NGEF: variants seen among roughly 807,000 people sequenced by gnomAD.
NGEF encodes ephexin-1.
In NGEF, 31 loss-of-function variants were observed where a neutral mutation model predicts 80.9. The observed-to-expected ratio is 0.38, with a 90% CI of 0.29 to 0.52. NGEF has a LOEUF of 0.52. Among genes scored for constraint, NGEF ranks in the 20% least tolerant of loss-of-function variants. The pLI, the probability that NGEF is intolerant of heterozygous loss-of-function variation, is 0.84. For missense variants in NGEF, 709 were observed against 926.2 expected, an observed-to-expected ratio of 0.77 and a Z score of 3.04; for synonymous variants, 371 against 370.2, an observed-to-expected ratio of 1.00 and a Z score of -0.03.
intron 5 of NGEF, among the ~76,000 whole-genome samples, chr2:232,908,033 C>G (rs1692608871): frequency 1.3e-5 from 2 of 152,090 alleles, no homozygotes; most frequent in South Asian, 4.1e-4. Flanking sequence ...TTGCTCGAAC[C>G]CAGGAGGTGG....
intron 1 of NGEF, among the ~76,000 whole-genome samples, chr2:233,002,957 C>A (rs978991965): frequency 2.0e-5 from 3 of 152,202 alleles, no homozygotes; most frequent in Non-Finnish European, 4.4e-5. Context: ...CCTTCTTACA[C>A]TGACCTCAGC....
At chr2:232,992,725 A>G (rs940846659) in intron 1 of NGEF, among the ~76,000 whole-genome samples, 3 of 151,798 alleles carry the variant, frequency 2.0e-5, no homozygotes, top group African/African-American at 7.3e-5. Flanking sequence ...AGTGGCTCAC[A>G]TCTGTAATCC....
chr2:232,883,855 C>T (rs2106214273), intron 11 of NGEF, 126 bp downstream of exon 11: 2 of 1,051,034 alleles, frequency 1.9e-6, no homozygotes, highest in East Asian at 2.7e-5. Context: ...CAGAACAGAC[C>T]TTTAAACCTG....
At chr2:232,907,284 A>G (rs1360195458) in intron 5 of NGEF, among the ~76,000 whole-genome samples, 2 of 151,584 alleles carry the variant, frequency 1.3e-5, no homozygotes, top group Admixed American at 1.3e-4. Flanking sequence ...GGCCATCATT[A>G]TAGGGTGTTT....
chr2:232,953,441 C>T (rs891401813), intron 3 of NGEF, among the ~76,000 whole-genome samples: 3 of 148,180 alleles, frequency 2.0e-5, no homozygotes, highest in Admixed American at 6.7e-5. Context: ...GCTACTCCTA[C>T]ACAACCAACA....
rs1182555049 is a variant in NGEF, at chr2:232,886,625, A to ATT, written c.1348-1257_1348-1256insAA. Among the ~76,000 whole-genome samples the ATT allele has an allele frequency of 6.3e-3, 922 of 147,286 alleles. 13 individuals are homozygous for ATT. Among genetic ancestry groups the ATT allele is most frequent in the African/African-American group, 0.021 (828 of 39,878 alleles). On this transcript the variant is annotated intron_variant, in intron 9 of 14. Transcript: ENST00000264051. ...AGAAAAAATAAACCTTCATTTTTAA[A>ATT]AAAAAAAGCTATTAGAAACAGAGAA... is the stretch of plus-strand genomic sequence containing the variant.
intron 5 of NGEF, among the ~76,000 whole-genome samples, chr2:232,898,347 A>T (rs1010743393): frequency 9.8e-5 from 15 of 152,300 alleles, no homozygotes; most frequent in African/African-American, 3.4e-4. Context: ...TCTGGCCGAC[A>T]GCATCTCTGT....
intron 1 of NGEF, among the ~76,000 whole-genome samples, chr2:233,004,410 C>T (rs762953403): frequency 1.3e-5 from 2 of 152,194 alleles, no homozygotes; most frequent in African/African-American, 4.8e-5. Context: ...ATCCCCTGGT[C>T]GCAGCAGCAG....
chr2:232,888,651 G>A (rs1691784371), intron 8 of NGEF, among the ~76,000 whole-genome samples: 1 of 152,096 alleles, frequency 6.6e-6, no homozygotes, highest in South Asian at 2.1e-4. Flanking sequence ...ACCCAGCAGT[G>A]AGGACTGTCA....
chr2:233,000,478 G>A (rs1038429460), intron 1 of NGEF, among the ~76,000 whole-genome samples: 2 of 152,184 alleles, frequency 1.3e-5, no homozygotes, highest in African/African-American at 4.8e-5. Context: ...GCCGCCAGGC[G>A]AGGTGGCTCA....
intron 1 of NGEF, among the ~76,000 whole-genome samples, chr2:233,011,238 CTG>C (rs1215178349): frequency 6.6e-6 from 1 of 151,908 alleles, no homozygotes; most frequent in Non-Finnish European, 1.5e-5. Flanking sequence ...CACACATACA[CTG>C]TGCACAGCAA....
At chr2:232,921,738 C>T (rs1304058797) in intron 4 of NGEF, among the ~76,000 whole-genome samples, 1 of 152,014 alleles carries the variant, frequency 6.6e-6, no homozygotes, top group African/African-American at 2.4e-5. Context: ...CTTCAGCCTC[C>T]CCAGTGCTGG....
At chr2:232,880,681 A>C (rs982441776) in intron 14 of NGEF, among the ~76,000 whole-genome samples, 12 of 152,048 alleles carry the variant, frequency 7.9e-5, no homozygotes, top group African/African-American at 2.4e-4. Context: ...TGATGACAGC[A>C]GCAGGGGTGG....
chr2:232,994,953 A>G (rs1351904507), intron 1 of NGEF, among the ~76,000 whole-genome samples: 3 of 109,306 alleles, frequency 2.7e-5, no homozygotes, highest in Non-Finnish European at 6.1e-5. Context: ...CATATAATAC[A>G]TACATATGTA....
intron 3 of NGEF, among the ~76,000 whole-genome samples, chr2:232,949,159 G>T (rs1480614481): frequency 6.6e-6 from 1 of 152,220 alleles, no homozygotes; most frequent in Non-Finnish European, 1.5e-5. Flanking sequence ...CCCAGCCTGG[G>T]AGCTCTGCGG....
intron 3 of NGEF, among the ~76,000 whole-genome samples, chr2:232,949,369 G>T (rs1398883238): frequency 6.6e-6 from 1 of 152,134 alleles, no homozygotes; most frequent in Admixed American, 6.5e-5. Context: ...ATCTTCTCAG[G>T]ATAGACTCTG....
At chr2:232,893,332 C>T (rs1691942893) in intron 6 of NGEF, among the ~76,000 whole-genome samples, 1 of 152,168 alleles carries the variant, frequency 6.6e-6, no homozygotes, top group Non-Finnish European at 1.5e-5. Context: ...AATAGATGAC[C>T]ATGGGGATCT....
intron 3 of NGEF, among the ~76,000 whole-genome samples, chr2:232,930,307 C>T (rs1229298636): frequency 1.4e-5 from 2 of 141,634 alleles, no homozygotes; most frequent in Non-Finnish European, 3.0e-5. Flanking sequence ...AGAGAGTACT[C>T]TGGGCTCTCT....
At chr2:232,905,069 C>T (rs985245810) in intron 5 of NGEF, among the ~76,000 whole-genome samples, 4 of 151,298 alleles carry the variant, frequency 2.6e-5, no homozygotes, top group Non-Finnish European at 5.9e-5. Flanking sequence ...CTCCTCTCTC[C>T]TCTCCCCTCT....
Sources: gnomAD v4.1 joint callset for allele counts (sites outside exome capture counted in the v4.1 genomes callset) on GRCh38, gnomAD v4.1.1 for gene constraint, MANE v1.5 for transcripts, NCBI Gene and HGNC (gene_info 2026-07-23, HGNC 2026-07-21) for gene names.